The following FGF2 variants were observed in gnomAD, a reference collection of about 807,000 sequenced individuals.
FGF2 encodes the protein basic fibroblast growth factor bFGF.
Under a neutral mutation model 15.9 loss-of-function variants are expected in FGF2, and 13 were observed. The observed-to-expected ratio is 0.82, with a 90% CI of 0.53 to 1.30. FGF2 has a LOEUF of 1.30. FGF2 is among the 50% of genes most tolerant of loss of function. The pLI is 0.00. For missense variants in FGF2, 163 were observed against 196.9 expected, an observed-to-expected ratio of 0.83 and a Z score of 1.03; for synonymous variants, 90 against 78.4, an observed-to-expected ratio of 1.15 and a Z score of -0.78.
intron 1 of FGF2, among the ~76,000 whole-genome samples, chr4:122,839,222 A>G (rs1405106609): frequency 6.6e-6 from 1 of 152,222 alleles, no homozygotes; most frequent in Non-Finnish European, 1.5e-5. Context: ...CTAAACATTG[A>G]AAAGGTACAG....
At chr4:122,859,664 A>G (rs1429063058) in intron 1 of FGF2, among the ~76,000 whole-genome samples, 1 of 152,134 alleles carries the variant, frequency 6.6e-6, no homozygotes, top group African/African-American at 2.4e-5. Context: ...ACACACACAC[A>G]CACACACACA....
In FGF2 at chr4:122,881,130, T is replaced by C. The variant is rs147077520; in HGVS notation, c.282+4706T>C. Among the ~76,000 whole-genome samples, 16 of 152,276 alleles carry C rather than the reference T, an allele frequency of 1.1e-4. No individual in the cohort carries two copies. In the East Asian group the frequency reaches 1.9e-3, roughly 18 times the overall value. On this transcript the variant is annotated intron_variant, in intron 2 of 2. Coordinates refer to ENST00000644866, the MANE Select transcript of FGF2 (RefSeq NM_001361665.2). The stretch of plus-strand genomic sequence containing the variant: ...AGCAAGGCACCAAGTCCCTAGACTG[T>C]ACATAGCAGAGGGACCCTGAGCCCA...
intron 1 of FGF2, among the ~76,000 whole-genome samples, chr4:122,869,155 T>G (rs1418624738): frequency 6.6e-6 from 1 of 151,972 alleles, no homozygotes; most frequent in East Asian, 1.9e-4. Context: ...TTTGTTGCAA[T>G]TGCTTTTGTT....
intron 1 of FGF2, among the ~76,000 whole-genome samples, chr4:122,875,671 G>A (rs930021258): frequency 8.5e-5 from 13 of 152,146 alleles, no homozygotes; most frequent in African/African-American, 3.1e-4. Context: ...GCTGGGCGTG[G>A]TGGTGGGCAT....
intron 1 of FGF2, among the ~76,000 whole-genome samples, chr4:122,829,181 C>T (rs1352955880): frequency 1.3e-5 from 2 of 152,140 alleles, no homozygotes; most frequent in African/African-American, 4.8e-5. Flanking sequence ...ACATTACCAC[C>T]GTTGTAAAAA....
At chr4:122,838,696 G>A (rs931903603) in intron 1 of FGF2, among the ~76,000 whole-genome samples, 2 of 152,178 alleles carry the variant, frequency 1.3e-5, no homozygotes, top group Non-Finnish European at 2.9e-5. Flanking sequence ...GTTGAAGTGT[G>A]TGCCATCTAT....
At chr4:122,847,035 T>A (rs556655027) in intron 1 of FGF2, among the ~76,000 whole-genome samples, 1 of 152,336 alleles carries the variant, frequency 6.6e-6, no homozygotes, top group East Asian at 1.9e-4. Context: ...GCCCCTTGGC[T>A]TATTTCTTTT....
chr4:122,876,213 G>A (rs2150784027), intron 1 of FGF2, 108 bp from the exon 2 acceptor site: 2 of 746,972 alleles, frequency 2.7e-6, no homozygotes, highest in Non-Finnish European at 2.4e-6. Context: ...ATCCTCCAAA[G>A]TGGATTAGTT....
chr4:122,889,061 AC>A (rs1727116470), intron 2 of FGF2: 1 of 152,212 alleles, frequency 6.6e-6, no homozygotes, highest in Admixed American at 6.5e-5. Flanking sequence ...CAACACATAA[AC>A]AAAAACTTAA....
Position 122,834,123 on chromosome 4 carries a change from G to T in FGF2, c.178+6771G>T, listed in dbSNP as rs147636798. ...AAAAACAACACAGCAAAGCAATAGG[G>T]GTTCATATTAACAGGCCCCCATCTC... On this transcript the variant is annotated intron_variant, in intron 1 of 2. Transcript: ENST00000644866. 2.1e-3 allele frequency among the ~76,000 whole-genome samples: 323 copies of T among 152,248 alleles called. 1 individual carries two copies. The highest frequency in any genetic ancestry group is 3.8e-3 in the Non-Finnish European group (256 of 68,014).
intron 1 of FGF2, among the ~76,000 whole-genome samples, chr4:122,828,449 C>T (rs1423866590): frequency 6.6e-6 from 1 of 152,130 alleles, no homozygotes; most frequent in Non-Finnish European, 1.5e-5. Flanking sequence ...TTATGGCGTT[C>T]CTTCCTTTAT....
intron 1 of FGF2, among the ~76,000 whole-genome samples, chr4:122,852,333 T>C (rs572120478): frequency 2.6e-5 from 4 of 152,372 alleles, no homozygotes; most frequent in African/African-American, 9.6e-5. Context: ...CTCCAGGTGC[T>C]GTCTCTCTCA....
chr4:122,855,800 T>G lies in FGF2; in HGVS notation c.179-20521T>G, dbSNP rs551162467. On this transcript the variant is annotated intron_variant, in intron 1 of 2. Transcript: ENST00000644866. ...CTTACTAATGGAAATGAGAAAAATC[T>G]GTAGATTTTCAGCTATCTGAGGAAC... 9.8e-5 allele frequency among the ~76,000 whole-genome samples: 15 copies of G among 152,368 alleles called. No homozygotes were observed. The South Asian group carries it at 1.9e-3, about 19-fold the overall frequency.
In FGF2 at chr4:122,892,620, A is replaced by C; in HGVS notation, c.*224A>C. ...TTTTATATTGCATCTGCTGTTACCC[A>C]GTGAAGCTTACCTAGAGCAATGATC... On this transcript the variant is annotated 3_prime_UTR_variant, in exon 3 of 3. Transcript: ENST00000644866. 2 of 1,431,466 alleles carry C rather than the reference A, an allele frequency of 1.4e-6. No individual in the cohort carries two copies. Among genetic ancestry groups the C allele is most frequent in the Non-Finnish European group, 1.8e-6 (2 of 1,096,426 alleles). 88.7% of individuals were successfully genotyped at this position (1,431,466 alleles called of 1,614,324 possible).
chr4:122,860,866 T>C (rs918066843), intron 1 of FGF2, among the ~76,000 whole-genome samples: 1 of 152,214 alleles, frequency 6.6e-6, no homozygotes, highest in Non-Finnish European at 1.5e-5. Context: ...TTTCCACTAA[T>C]GTCCTTTTTC....
At chr4:122,859,643 C>T (rs992719004) in intron 1 of FGF2, among the ~76,000 whole-genome samples, 1 of 73,330 alleles carries the variant, frequency 1.4e-5, no homozygotes, top group Non-Finnish European at 2.9e-5. Flanking sequence ...TGGGTGTGTA[C>T]ATATGTATAT....
At chr4:122,861,080 C>G (rs779364824) in intron 1 of FGF2, among the ~76,000 whole-genome samples, 2 of 152,210 alleles carry the variant, frequency 1.3e-5, no homozygotes, top group Non-Finnish European at 2.9e-5. Flanking sequence ...TGCTCTACAT[C>G]CTATACTTCT....
In FGF2 at chr4:122,892,543, C is replaced by T; in HGVS notation, c.*147C>T. On this transcript the variant is annotated 3_prime_UTR_variant, in exon 3 of 3. Coordinates refer to ENST00000644866, the MANE Select transcript of FGF2 (RefSeq NM_001361665.2). The stretch of plus-strand genomic sequence containing the variant: ...TTTTATCCAGTAGTAAAATATGTAA[C>T]CATTGTCCCAGTAAAGAAAAATAAC... The T allele has an allele frequency of 6.8e-7, 1 of 1,477,810 alleles. No individual in the cohort carries two copies. Among genetic ancestry groups the T allele is most frequent in the South Asian group, 1.4e-5 (1 of 71,250 alleles). 91.5% of individuals were successfully genotyped at this position (1,477,810 alleles called of 1,614,324 possible). A position where few individuals can be genotyped will look rare whatever the true frequency, so the allele number is the denominator to read the frequency against.
chr4:122,879,848 A>G (rs1726926572), intron 2 of FGF2, among the ~76,000 whole-genome samples: 1 of 152,206 alleles, frequency 6.6e-6, no homozygotes, highest in African/African-American at 2.4e-5. Context: ...ACTTGTCCCC[A>G]TGATTCAATT....
Sources: allele counts gnomAD v4.1 joint callset (sites outside exome capture counted in the v4.1 genomes callset), GRCh38; gene constraint gnomAD v4.1.1; transcripts MANE v1.5; gene names NCBI Gene and HGNC (gene_info 2026-07-23, HGNC 2026-07-21).